WDFY4: variants seen among roughly 807,000 people sequenced by gnomAD.
WDFY4 encodes the protein WDFY family member 4, also known as WD repeat- and FYVE domain-containing protein 4.
In WDFY4, 169 loss-of-function variants were observed where a neutral mutation model predicts 351.9. The observed-to-expected ratio is 0.48, with a 90% CI of 0.42 to 0.55. The LOEUF (loss-of-function observed/expected upper bound fraction) is 0.55. Ranked by LOEUF, WDFY4 falls within the 20% of genes least tolerant of loss-of-function variation. The probability of loss-of-function intolerance (pLI) is 0.00; values close to 1 mark genes in which losing one functional copy is unlikely to be tolerated. For missense variants in WDFY4, 3,803 were observed against 3,935.6 expected (o/e 0.97, Z 0.90); for synonymous variants, 1,622 against 1,574.6 (o/e 1.03, Z -0.71).
intron 24 of WDFY4, among the ~76,000 whole-genome samples, chr10:48,798,302 C>A (rs1296998031): frequency 6.6e-6 from 1 of 151,380 alleles, no homozygotes; most frequent in Non-Finnish European, 1.5e-5. Context: ...TAAATGAGAA[C>A]ATAAATTAAT....
rs927602635 is a variant in WDFY4 at position 48,749,292 on chromosome 10, C to T, written c.2459+5744C>T. On this transcript the variant is annotated intron_variant, in intron 12 of 61. Transcript: ENST00000325239. ...AAACATGCACCATACCAAATAAACA[C>T]CCCTACACCAAACACACTATATACA... Among the ~76,000 whole-genome samples, 6 of 152,084 alleles carry T rather than the reference C, an allele frequency of 3.9e-5. No homozygotes were observed. The South Asian group carries it at 1.2e-3, about 32-fold the overall frequency.
intron 39 of WDFY4, among the ~76,000 whole-genome samples, chr10:48,855,618 A>G (rs1246486336): frequency 6.6e-6 from 1 of 152,058 alleles, no homozygotes; most frequent in African/African-American, 2.4e-5. Context: ...ACTATATTAT[A>G]AATTAAAACA....
At chr10:48,730,438 G>A (rs146468839) in intron 8 of WDFY4, among the ~76,000 whole-genome samples, 7 of 152,336 alleles carry the variant, frequency 4.6e-5, no homozygotes, top group Non-Finnish European at 1.0e-4. Flanking sequence ...GTTATCTGAG[G>A]CAGAGAAGGC....
chr10:48,733,295 A>T (rs1002480800), intron 9 of WDFY4, among the ~76,000 whole-genome samples: 2 of 149,742 alleles, frequency 1.3e-5, no homozygotes, highest in African/African-American at 4.9e-5. Flanking sequence ...TATAAACTCT[A>T]TTTTCATTCA....
chr10:48,836,502 C>T (rs937536979), intron 39 of WDFY4, among the ~76,000 whole-genome samples: 1 of 152,170 alleles, frequency 6.6e-6, no homozygotes, highest in African/African-American at 2.4e-5. Flanking sequence ...GGTGTTATTC[C>T]TTATCATGTC....
At chr10:48,854,561 T>C (rs2069072169) in intron 39 of WDFY4, among the ~76,000 whole-genome samples, 1 of 152,058 alleles carries the variant, frequency 6.6e-6, no homozygotes, top group Admixed American at 6.5e-5. Flanking sequence ...ACAAGAGAGG[T>C]CCTAGTAACC....
chr10:48,838,446 T>A (rs1052366134), intron 39 of WDFY4, among the ~76,000 whole-genome samples: 15 of 152,086 alleles, frequency 9.9e-5, no homozygotes, highest in Non-Finnish European at 1.6e-4. Flanking sequence ...GAGGACAAGA[T>A]GCTGACTGAG....
chr10:48,780,657 T>A (rs1327382080), intron 19 of WDFY4, among the ~76,000 whole-genome samples: 1 of 152,096 alleles, frequency 6.6e-6, no homozygotes, highest in Non-Finnish European at 1.5e-5. Context: ...TGGCTGTCAT[T>A]TAGAGACACC....
At chr10:48,820,915 TG>T (rs1390651233) in intron 33 of WDFY4, 146 bp from the exon 34 acceptor site, 2 of 631,934 alleles carry the variant, frequency 3.2e-6, no homozygotes, top group Non-Finnish European at 2.9e-6. Flanking sequence ...TCACAGAGGG[TG>T]GGCCCCCAGA....
In WDFY4 at chr10:48,778,677, A is replaced by G; in HGVS notation, c.3242A>G (p.His1081Arg). 1.3e-6 allele frequency: 2 copies of G among 1,551,638 alleles called. No individual in the cohort carries two copies. The highest frequency in any genetic ancestry group is 1.7e-6 in the Non-Finnish European group (2 of 1,147,018). The change falls in exon 18 of 62, where the codon CAT (histidine) becomes CGT (arginine). Residue 1081 changes from histidine to arginine, a missense_variant. Physicochemically the swap from His to Arg is conservative, Grantham distance 29. Transcript: ENST00000325239. ...TFSCWFLISR[H>R]GAATEGHPLR... ...TCCTGCTGGTTCCTGATCAGCCGGCATGGAGCTGCCACTGAGGGCCACCCG... is the reference window on the plus strand; with the variant it reads ...TCCTGCTGGTTCCTGATCAGCCGGCGTGGAGCTGCCACTGAGGGCCACCCG...
rs764716733 is a variant in WDFY4, at chr10:48,741,480, AT to A, written c.1879-1487del. On this transcript the variant is annotated intron_variant, in intron 11 of 61. Coordinates refer to ENST00000325239, the MANE Select transcript of WDFY4 (RefSeq NM_001394531.1). Reference sequence around the variant, plus strand: ...AAAAAAAAAAAAAAAAAAAAAAAAAATGGAGCTCCCAAAGTGCATGACTTCA... The same window carrying A: ...AAAAAAAAAAAAAAAAAAAAAAAAAAGGAGCTCCCAAAGTGCATGACTTCA... Among the ~76,000 whole-genome samples, 62 of 141,016 alleles carry A rather than the reference AT, an allele frequency of 4.4e-4. 1 individual carries two copies. Among genetic ancestry groups the A allele is most frequent in the South Asian group, 1.1e-3 (5 of 4,370 alleles). 92.5% of individuals were successfully genotyped at this position (141,016 alleles called of 152,430 possible).
At chr10:48,854,232 C>T (rs1193405830) in intron 39 of WDFY4, among the ~76,000 whole-genome samples, 1 of 151,816 alleles carries the variant, frequency 6.6e-6, no homozygotes, top group Non-Finnish European at 1.5e-5. Flanking sequence ...CCTAAGTCTC[C>T]TGAGTAGCTG....
chr10:48,846,334 T>G (rs1312234044), intron 39 of WDFY4, among the ~76,000 whole-genome samples: 2 of 152,254 alleles, frequency 1.3e-5, no homozygotes, highest in East Asian at 3.8e-4. Flanking sequence ...GCAGGGATAC[T>G]GTCCCTTCTG....
intron 45 of WDFY4, 70 bp downstream of exon 45, chr10:48,897,644 G>C: frequency 6.6e-7 from 1 of 1,517,208 alleles, no homozygotes; most frequent in South Asian, 1.2e-5. Flanking sequence ...TGGTCCAGGA[G>C]CCATCCAGAG....
chr10:48,966,836 C>G (rs1459484174), intron 55 of WDFY4, 163 bp downstream of exon 55: 7 of 1,001,250 alleles, frequency 7.0e-6, no homozygotes, highest in Non-Finnish European at 8.5e-6. Context: ...GGGGTGTCAT[C>G]TCTGGGAAGT....
intron 31 of WDFY4, among the ~76,000 whole-genome samples, chr10:48,816,967 A>C (rs2067639979): frequency 6.6e-6 from 1 of 152,224 alleles, no homozygotes; most frequent in Non-Finnish European, 1.5e-5. Context: ...GCAGAAACTT[A>C]AAAGATAAGA....
rs1342049067 is a variant in WDFY4, at chr10:48,966,642, G to T, written c.8553G>T (p.Gln2851His). ...CACAGCCCTTTTTCTACAGCCTGCA[G>T]TCGCTGAGGCCCTCCCAGGTCACGG... ...GHPQPFFYSL[Q>H]SLRPSQVTVK... Residue 2851 changes from glutamine (Q) to histidine (H), a missense_variant, in exon 55 of 62, where the codon CAG becomes CAT. Gln to His is a conservative substitution (Grantham distance 24, BLOSUM62 0). Coordinates refer to ENST00000325239, the MANE Select transcript of WDFY4 (RefSeq NM_001394531.1). The T allele has an allele frequency of 2.6e-6, 4 of 1,551,860 alleles. No individual in the cohort carries two copies. The highest frequency in any genetic ancestry group is 2.0e-5 in the Admixed American group (1 of 51,004).
In WDFY4 at chr10:48,743,292, G is replaced by A. The variant is rs2064910815; in HGVS notation, c.2203G>A (p.Val735Met). 1 of 1,551,736 alleles carries A rather than the reference G, an allele frequency of 6.4e-7. No homozygotes were observed. The highest frequency in any genetic ancestry group is 8.7e-7 in the Non-Finnish European group (1 of 1,146,998). The change falls in exon 12 of 62, where the codon GTG becomes ATG. Residue 735 changes from valine (V) to methionine (M), a missense_variant. This residue lies in a region of WDFY4 where 3,054 missense variants were observed against 3,148.6 expected (regional missense o/e 0.97). Coordinates refer to ENST00000325239, the MANE Select transcript of WDFY4 (RefSeq NM_001394531.1). Reference sequence around the variant, plus strand: ...AGAGGGCAACCTGCTGCGCTCTTGGGTGGACACAAAGGCCAGGCCATTTGC... The same window carrying A: ...AGAGGGCAACCTGCTGCGCTCTTGGATGGACACAAAGGCCAGGCCATTTGC... ...EEEGNLLRSWVDTKARPFADL... is the reference protein window; with the variant it reads ...EEEGNLLRSWMDTKARPFADL...
intron 39 of WDFY4, among the ~76,000 whole-genome samples, chr10:48,845,979 C>T (rs572929494): frequency 1.6e-4 from 24 of 152,304 alleles, no homozygotes; most frequent in African/African-American, 5.3e-4. Context: ...AATAGGGACA[C>T]GGGGTGAGCA....
Sources: allele counts gnomAD v4.1 joint callset (sites outside exome capture counted in the v4.1 genomes callset), GRCh38; gene constraint gnomAD v4.1.1; regional missense constraint gnomAD v4.1.1; transcripts MANE v1.5; gene names NCBI Gene and HGNC (gene_info 2026-07-23, HGNC 2026-07-21).